The following AGPS variants were observed in gnomAD, a reference collection of about 807,000 sequenced individuals.
The protein encoded by AGPS is alkylglycerone phosphate synthase.
Under a neutral mutation model 90.7 loss-of-function variants are expected in AGPS, and 26 were observed. The ratio of observed to expected loss-of-function variants is 0.29; its 90% confidence interval spans 0.21 to 0.40. The LOEUF (loss-of-function observed/expected upper bound fraction) is 0.40, where lower values mean the gene tolerates loss of function less well. AGPS is among the 10% of genes least tolerant of loss of function. The probability of loss-of-function intolerance (pLI) is 1.00; values close to 1 mark genes in which losing one functional copy is unlikely to be tolerated. For missense variants in AGPS, 540 were observed against 816.1 expected (o/e 0.66, Z 4.12); for synonymous variants, 294 against 285.3 (o/e 1.03, Z -0.31).
At chr2:177,499,363 GTTA>G (rs753515523) in intron 13 of AGPS, among the ~76,000 whole-genome samples, 67 of 151,804 alleles carry the variant, frequency 4.4e-4, no homozygotes, top group Non-Finnish European at 8.3e-4. Flanking sequence ...TAAGCAATAT[GTTA>G]TTATGATTAA....
intron 1 of AGPS, among the ~76,000 whole-genome samples, chr2:177,411,650 T>C (rs1271539380): frequency 6.6e-6 from 1 of 152,224 alleles, no homozygotes; most frequent in Non-Finnish European, 1.5e-5. Context: ...TATTTTTCCA[T>C]GTCAGATCAA....
intron 19 of AGPS, among the ~76,000 whole-genome samples, chr2:177,532,817 G>A (rs935458237): frequency 1.3e-5 from 2 of 152,020 alleles, no homozygotes; most frequent in Admixed American, 6.6e-5. Context: ...ATGAACTATC[G>A]ATACATGCAA....
intron 1 of AGPS, among the ~76,000 whole-genome samples, chr2:177,395,490 A>C (rs1184998740): frequency 1.3e-5 from 2 of 152,248 alleles, no homozygotes; most frequent in Non-Finnish European, 2.9e-5. Flanking sequence ...GGGAACACAG[A>C]AACTTGTATT....
intron 13 of AGPS, among the ~76,000 whole-genome samples, 177 bp downstream of exon 13, chr2:177,497,942 T>G (rs1688458357): frequency 6.6e-6 from 1 of 151,872 alleles, no homozygotes; most frequent in Non-Finnish European, 1.5e-5. Flanking sequence ...TTCAGAAAAT[T>G]TTATTTCTTT....
intron 1 of AGPS, among the ~76,000 whole-genome samples, chr2:177,405,877 C>A (rs529977989): frequency 6.6e-6 from 1 of 152,186 alleles, no homozygotes; most frequent in East Asian, 1.9e-4. Context: ...TCTCAACTCT[C>A]ATTTTTACAT....
At chr2:177,472,697 C>T (rs1157587163) in intron 10 of AGPS, among the ~76,000 whole-genome samples, 1 of 152,136 alleles carries the variant, frequency 6.6e-6, no homozygotes, top group Non-Finnish European at 1.5e-5. Context: ...CTACCCTCTG[C>T]TATGCTATTT....
At chr2:177,472,670 G>A (rs1374894954) in intron 10 of AGPS, among the ~76,000 whole-genome samples, 1 of 151,852 alleles carries the variant, frequency 6.6e-6, no homozygotes, top group Non-Finnish European at 1.5e-5. Context: ...TTTTGAGAGT[G>A]TTCTTTCCTG....
At chr2:177,446,855 C>A (rs1352869617) in intron 8 of AGPS, among the ~76,000 whole-genome samples, 1 of 152,072 alleles carries the variant, frequency 6.6e-6, no homozygotes, top group East Asian at 1.9e-4. Context: ...TTTCAGTGTG[C>A]AATTTCATTG....
chr2:177,458,118 G>A (rs1422804836), intron 8 of AGPS, among the ~76,000 whole-genome samples: 3 of 152,092 alleles, frequency 2.0e-5, no homozygotes, highest in African/African-American at 7.2e-5. Flanking sequence ...ATGCAGAAAA[G>A]GCCTTCAATA....
At chr2:177,401,059 T>C (rs1026405287) in intron 1 of AGPS, among the ~76,000 whole-genome samples, 6 of 152,222 alleles carry the variant, frequency 3.9e-5, no homozygotes, top group Non-Finnish European at 8.8e-5. Context: ...AGTAGAGCTT[T>C]CTGTGATAGA....
Position 177,472,118 on chromosome 2 carries a change from T to G in AGPS, c.1105+3594T>G, listed in dbSNP as rs956611216. Among the ~76,000 whole-genome samples the G allele has an allele frequency of 6.4e-4, 95 of 147,654 alleles. No individual in the cohort carries two copies. In the Middle Eastern group the frequency reaches 0.01, roughly 16 times the overall value. Reference sequence around the variant, plus strand: ...TGGATAGTAGTGTTAAATATTAGGGTTTTTTTTTTCATTGTTTCAGTTTTC... The same window carrying G: ...TGGATAGTAGTGTTAAATATTAGGGGTTTTTTTTTCATTGTTTCAGTTTTC... On this transcript the variant is annotated intron_variant, in intron 10 of 19. Transcript: ENST00000264167.
At chr2:177,474,695 C>A (rs1006657840) in intron 10 of AGPS, among the ~76,000 whole-genome samples, 1 of 152,184 alleles carries the variant, frequency 6.6e-6, no homozygotes, top group Non-Finnish European at 1.5e-5. Context: ...TTTTAAAAAA[C>A]AAATGGGAGC....
intron 9 of AGPS, among the ~76,000 whole-genome samples, chr2:177,465,870 A>G (rs1329763732): frequency 1.3e-5 from 2 of 152,232 alleles, no homozygotes; most frequent in Non-Finnish European, 2.9e-5. Context: ...TGGGGCAAAC[A>G]AGGGGTGTGT....
At chr2:177,504,746 A>C (rs1263824620) in intron 14 of AGPS, among the ~76,000 whole-genome samples, 1 of 152,124 alleles carries the variant, frequency 6.6e-6, no homozygotes, top group African/African-American at 2.4e-5. Context: ...CTAAAGTTAA[A>C]ATTTTAATTT....
intron 8 of AGPS, among the ~76,000 whole-genome samples, chr2:177,453,155 G>A (rs1687002125): frequency 6.6e-6 from 1 of 151,950 alleles, no homozygotes; most frequent in South Asian, 2.1e-4. Context: ...TATTCTTTCA[G>A]CAGTACAAAG....
chr2:177,488,918 CAT>C (rs1199598540), intron 11 of AGPS, among the ~76,000 whole-genome samples: 4 of 152,122 alleles, frequency 2.6e-5, no homozygotes, highest in Admixed American at 2.0e-4. Context: ...ACCCCTCAGA[CAT>C]GTGAAATATA....
chr2:177,506,356 A>G (rs533996793), intron 15 of AGPS, among the ~76,000 whole-genome samples: 29 of 151,838 alleles, frequency 1.9e-4, no homozygotes, highest in Middle Eastern at 6.8e-3. Flanking sequence ...AAATTTTTGG[A>G]AATTTATACA....
chr2:177,500,343 T>A (rs1332783176), intron 14 of AGPS, among the ~76,000 whole-genome samples: 1 of 152,058 alleles, frequency 6.6e-6, no homozygotes, highest in African/African-American at 2.4e-5. Flanking sequence ...AGGACTATGT[T>A]TTTTCCTTTC....
chr2:177,507,874 C>T (rs1443328938), intron 15 of AGPS, 96 bp from the exon 16 acceptor site: 16 of 910,262 alleles, frequency 1.8e-5, no homozygotes, highest in Non-Finnish European at 2.7e-5. Context: ...AAATGAGAAA[C>T]ATGTGATACT....
Sources: gnomAD v4.1 joint callset for allele counts (sites outside exome capture counted in the v4.1 genomes callset) on GRCh38, gnomAD v4.1.1 for gene constraint, MANE v1.5 for transcripts, NCBI Gene and HGNC (gene_info 2026-07-23, HGNC 2026-07-21) for gene names.